The following DTNBP1 variants were observed in gnomAD, a reference collection of about 807,000 sequenced individuals.
DTNBP1 encodes the protein dystrobrevin binding protein 1, also known as dysbindin.
In DTNBP1, 35 loss-of-function variants were observed where a neutral mutation model predicts 42.8. That is an observed-to-expected ratio of 0.82 (90% CI 0.63 to 1.09). The LOEUF (loss-of-function observed/expected upper bound fraction) is 1.09, where lower values mean the gene tolerates loss of function less well. DTNBP1 is among the 50% of genes least tolerant of loss of function. The probability of loss-of-function intolerance (pLI) is 0.00; values close to 1 mark genes in which losing one functional copy is unlikely to be tolerated. For missense variants in DTNBP1, 457 were observed against 424.2 expected, an observed-to-expected ratio of 1.08 and a Z score of -0.68; for synonymous variants, 171 against 162.2, an observed-to-expected ratio of 1.05 and a Z score of -0.41.
chr6:15,619,317 C>A (rs1056802897), intron 5 of DTNBP1, among the ~76,000 whole-genome samples: 3 of 151,724 alleles, frequency 2.0e-5, no homozygotes, highest in African/African-American at 7.3e-5. Flanking sequence ...CACACTGTGC[C>A]CTATAAATAT....
At chr6:15,595,423 T>C (rs9464802) in intron 6 of DTNBP1, among the ~76,000 whole-genome samples, 23,423 of 151,598 alleles carry the variant, frequency 0.15, 2,684 homozygotes, top group African/African-American at 0.32. Flanking sequence ...CACCACCACA[T>C]GCCTGGCTAA....
At chr6:15,525,698 A>G (rs1772335544) in intron 8 of DTNBP1, among the ~76,000 whole-genome samples, 1 of 152,240 alleles carries the variant, frequency 6.6e-6, no homozygotes, top group Non-Finnish European at 1.5e-5. Context: ...TTAATAAACT[A>G]GAAGGCAGGA....
chr6:15,634,884 T>C (rs1490915222), intron 4 of DTNBP1, among the ~76,000 whole-genome samples: 2 of 152,234 alleles, frequency 1.3e-5, no homozygotes, highest in African/African-American at 2.4e-5. Flanking sequence ...CTGCTCACTA[T>C]TCCTTCCTAC....
chr6:15,624,508 A>G (rs1424198565), intron 5 of DTNBP1, among the ~76,000 whole-genome samples: 2 of 152,228 alleles, frequency 1.3e-5, no homozygotes, highest in Non-Finnish European at 2.9e-5. Flanking sequence ...AAGCATCATC[A>G]AAAGTCCAAA....
chr6:15,539,517 G>A (rs570059409), intron 7 of DTNBP1, among the ~76,000 whole-genome samples: 1 of 152,278 alleles, frequency 6.6e-6, no homozygotes, highest in Admixed American at 6.5e-5. Flanking sequence ...TCACAGCCAC[G>A]CCTGTGTGGC....
intron 7 of DTNBP1, among the ~76,000 whole-genome samples, chr6:15,580,627 A>ATG (rs1016576427): frequency 6.6e-6 from 1 of 152,188 alleles, no homozygotes; most frequent in Non-Finnish European, 1.5e-5. Flanking sequence ...ATGTCTATAT[A>ATG]TGTGTGTGTG....
chr6:15,526,846 A>G (rs911692846), intron 8 of DTNBP1, among the ~76,000 whole-genome samples: 1 of 152,238 alleles, frequency 6.6e-6, no homozygotes, highest in Non-Finnish European at 1.5e-5. Context: ...ACTAAGAAGC[A>G]TAAGAAAAGC....
intron 6 of DTNBP1, among the ~76,000 whole-genome samples, chr6:15,605,408 A>G (rs1272071646): frequency 6.6e-6 from 1 of 152,074 alleles, no homozygotes; most frequent in Non-Finnish European, 1.5e-5. Flanking sequence ...AGATCCTCAT[A>G]TGACTGCCAT....
chr6:15,661,761 A>G (rs1322879983), intron 1 of DTNBP1, among the ~76,000 whole-genome samples: 2 of 152,262 alleles, frequency 1.3e-5, no homozygotes, highest in African/African-American at 4.8e-5. Context: ...CTTTTCAAAG[A>G]CAGATCTTTT....
intron 8 of DTNBP1, among the ~76,000 whole-genome samples, chr6:15,528,511 G>A (rs755033336): frequency 1.1e-4 from 16 of 152,198 alleles, no homozygotes; most frequent in Non-Finnish European, 2.2e-4. Context: ...TTTGGCTCAG[G>A]GACGGGCGGC....
At chr6:15,624,787 T>A (rs2113731079) in intron 5 of DTNBP1, among the ~76,000 whole-genome samples, 1 of 151,668 alleles carries the variant, frequency 6.6e-6, no homozygotes, top group South Asian at 2.1e-4. Flanking sequence ...GGTATTTGGG[T>A]AATAATAGGA....
chr6:15,656,923 A>T (rs1206624623), intron 1 of DTNBP1, among the ~76,000 whole-genome samples: 1 of 152,202 alleles, frequency 6.6e-6, no homozygotes, highest in Admixed American at 6.5e-5. Context: ...GGTGAGGACG[A>T]TTGCTTTAAA....
At chr6:15,551,992 A>C (rs943359718) in intron 7 of DTNBP1, among the ~76,000 whole-genome samples, 1 of 152,186 alleles carries the variant, frequency 6.6e-6, no homozygotes, top group Non-Finnish European at 1.5e-5. Context: ...AGCTGACGGG[A>C]AACACCAGCA....
chr6:15,631,479 GA>G (rs1293143942), intron 4 of DTNBP1, among the ~76,000 whole-genome samples: 1 of 152,126 alleles, frequency 6.6e-6, no homozygotes, highest in Admixed American at 6.5e-5. Flanking sequence ...TTTAACATGG[GA>G]TTCATACATA....
intron 7 of DTNBP1, among the ~76,000 whole-genome samples, chr6:15,565,720 T>C (rs1284525473): frequency 1.3e-5 from 2 of 152,196 alleles, no homozygotes; most frequent in African/African-American, 4.8e-5. Context: ...GAAAGGAATC[T>C]TTTTGGGGTG....
chr6:15,530,037 C>A (rs1307577096), intron 8 of DTNBP1, among the ~76,000 whole-genome samples: 4 of 152,280 alleles, frequency 2.6e-5, no homozygotes, highest in South Asian at 2.1e-4. Flanking sequence ...TCTGATGATT[C>A]TCTGGATAAA....
chr6:15,559,713 C>T (rs951838586), intron 7 of DTNBP1, among the ~76,000 whole-genome samples: 8 of 152,072 alleles, frequency 5.3e-5, no homozygotes, highest in Non-Finnish European at 1.0e-4. Context: ...TAGAAACGGC[C>T]CAATTCTTCT....
At chr6:15,527,764 T>C (rs1453431485) in intron 8 of DTNBP1, among the ~76,000 whole-genome samples, 2 of 152,064 alleles carry the variant, frequency 1.3e-5, no homozygotes, top group African/African-American at 2.4e-5. Flanking sequence ...AAAAGGCACA[T>C]GAACAATTTT....
chr6:15,554,078 C>G (rs911785204), intron 7 of DTNBP1, among the ~76,000 whole-genome samples: 1 of 152,158 alleles, frequency 6.6e-6, no homozygotes, highest in Non-Finnish European at 1.5e-5. Context: ...CCCCAGTTGA[C>G]TGCTATTACA....
Sources: gnomAD v4.1 joint callset for allele counts (sites outside exome capture counted in the v4.1 genomes callset) on GRCh38, gnomAD v4.1.1 for gene constraint, MANE v1.5 for transcripts, NCBI Gene and HGNC (gene_info 2026-07-23, HGNC 2026-07-21) for gene names.